The following AAMDC variants were observed in gnomAD, a reference collection of about 807,000 sequenced individuals.
The protein encoded by AAMDC is mth938 domain-containing protein.
A neutral mutation model predicts 15.5 loss-of-function variants in AAMDC; 16 were observed. That is an observed-to-expected ratio of 1.03 (90% CI 0.70 to 1.57). The LOEUF (loss-of-function observed/expected upper bound fraction) is 1.57. AAMDC is among the 40% of genes most tolerant of loss of function. AAMDC has a pLI of 0.00. For missense variants in AAMDC, 141 were observed against 144.9 expected, an observed-to-expected ratio of 0.97 and a Z score of 0.14; for synonymous variants, 51 against 51.6, an observed-to-expected ratio of 0.99 and a Z score of 0.05.
chr11:77,891,991 C>T (rs1055383586), intron 5 of AAMDC: 16 of 1,173,176 alleles, frequency 1.4e-5, no homozygotes, highest in African/African-American at 1.1e-4. Context: ...GGTACCTATA[C>T]AATCATGCCT....
chr11:77,876,843 G>C (rs952306478), downstream of AAMDC: 2 of 607,272 alleles, frequency 3.3e-6, no homozygotes, highest in Non-Finnish European at 3.0e-6. Context: ...TTTATAAAAG[G>C]GGTACTTATC....
downstream of AAMDC, among the ~76,000 whole-genome samples, chr11:77,872,521 A>C (rs776241998): frequency 6.6e-6 from 1 of 152,144 alleles, no homozygotes; most frequent in African/African-American, 2.4e-5. Context: ...AAGTTTAATA[A>C]TATAGTGAAT....
intron 5 of AAMDC, among the ~76,000 whole-genome samples, chr11:77,900,159 G>A (rs534704231): frequency 2.6e-5 from 4 of 151,910 alleles, no homozygotes; most frequent in South Asian, 4.2e-4. Flanking sequence ...GAGTGCAGTG[G>A]TGTGATTTCG....
At chr11:77,884,200 C>T (rs984902664) in intron 5 of AAMDC, among the ~76,000 whole-genome samples, 3 of 152,070 alleles carry the variant, frequency 2.0e-5, no homozygotes, top group Non-Finnish European at 2.9e-5. Flanking sequence ...CTCTATTAAG[C>T]GCAAAGACAG....
At chr11:77,896,406 C>T (rs539125474) in intron 5 of AAMDC, among the ~76,000 whole-genome samples, 5 of 152,064 alleles carry the variant, frequency 3.3e-5, no homozygotes, top group Admixed American at 3.3e-4. Context: ...AATTCCAACA[C>T]TTTGGGAGGC....
intron 2 of AAMDC, among the ~76,000 whole-genome samples, chr11:77,858,535 C>G (rs1033180536): frequency 2.0e-5 from 3 of 151,890 alleles, no homozygotes; most frequent in Non-Finnish European, 4.4e-5. Flanking sequence ...AGTTGCAAGC[C>G]CTGTGTTTAA....
At chr11:77,866,940 A>G (rs905180460) in intron 2 of AAMDC, among the ~76,000 whole-genome samples, 1 of 151,940 alleles carries the variant, frequency 6.6e-6, no homozygotes, top group Non-Finnish European at 1.5e-5. Context: ...TCCTGGGTTC[A>G]AGTGATTCTC....
At chr11:77,852,572 T>G (rs1950442600) in intron 2 of AAMDC, among the ~76,000 whole-genome samples, 1 of 152,156 alleles carries the variant, frequency 6.6e-6, no homozygotes, top group Non-Finnish European at 1.5e-5. Context: ...ACATGAGATT[T>G]GCGCAGGGAC....
chr11:77,831,911 T>C (rs1445989080), intron 1 of AAMDC: 3 of 147,088 alleles, frequency 2.0e-5, no homozygotes, highest in Non-Finnish European at 4.4e-5. Flanking sequence ...GGTTTCACCA[T>C]GTTGGCCAGT....
rs149234101 is a variant in AAMDC at position 77,844,429 on chromosome 11, C to G, written c.132+1801C>G. Among the ~76,000 whole-genome samples, 904 of 152,140 alleles carry G rather than the reference C, an allele frequency of 5.9e-3. 3 individuals carry two copies. The highest frequency in any genetic ancestry group is 9.2e-3 in the Non-Finnish European group (624 of 68,014). On this transcript the variant is annotated intron_variant, in intron 2 of 3. Coordinates refer to ENST00000393427, the MANE Select transcript of AAMDC (RefSeq NM_024684.4). ...CCAGGCTAGAGTGCAGTGGTGAGAT[C>G]ATGGCGCACTGTAGTCTACACCACC...
At chr11:77,874,929 C>A (rs564493476), downstream of AAMDC, among the ~76,000 whole-genome samples, 7 of 151,950 alleles carry the variant, frequency 4.6e-5, no homozygotes, top group Non-Finnish European at 1.0e-4. Flanking sequence ...CCCAGCTAGT[C>A]TACTTGGGAG....
chr11:77,870,694 C>T (rs1951389706), intron 3 of AAMDC, among the ~76,000 whole-genome samples: 1 of 151,922 alleles, frequency 6.6e-6, no homozygotes, highest in Non-Finnish European at 1.5e-5. Context: ...TTTAAAAATT[C>T]AATGCAGAAA....
intron 5 of AAMDC, chr11:77,883,943 G>A (rs776779375): frequency 6.2e-7 from 1 of 1,613,016 alleles, no homozygotes; most frequent in South Asian, 1.1e-5. Context: ...TGGCCATCTG[G>A]ATATAAGACC....
At chr11:77,862,454 C>A (rs183927932) in intron 2 of AAMDC, among the ~76,000 whole-genome samples, 1 of 152,120 alleles carries the variant, frequency 6.6e-6, no homozygotes, top group South Asian at 2.1e-4. Context: ...GAAAAAGGTA[C>A]GTGTACTCTG....
At chr11:77,868,095 G>A (rs546276226) in intron 2 of AAMDC, among the ~76,000 whole-genome samples, 2 of 133,022 alleles carry the variant, frequency 1.5e-5, no homozygotes, top group Admixed American at 8.5e-5. Context: ...TCGTTCTATC[G>A]CCCAGGCTGG....
At chr11:77,904,019 C>A (rs1289410895), downstream of AAMDC, among the ~76,000 whole-genome samples, 1 of 152,092 alleles carries the variant, frequency 6.6e-6, no homozygotes, top group East Asian at 1.9e-4. Flanking sequence ...TTTTTCTTTT[C>A]CCCTATGCTC....
At chr11:77,836,180 T>G (rs1590931905) in intron 1 of AAMDC, among the ~76,000 whole-genome samples, 1 of 151,514 alleles carries the variant, frequency 6.6e-6, no homozygotes, top group East Asian at 2.0e-4. Context: ...TACTATTTCC[T>G]CAAACATATT....
At chr11:77,832,697 GA>G (rs573933665) in intron 1 of AAMDC, among the ~76,000 whole-genome samples, 3,611 of 133,188 alleles carry the variant, frequency 0.027, 102 homozygotes, top group African/African-American at 0.08. Context: ...TCTGTTTTAA[GA>G]AAAAAAAAAA....
At chr11:77,855,890 A>G (rs1278786325) in intron 2 of AAMDC, among the ~76,000 whole-genome samples, 1 of 151,968 alleles carries the variant, frequency 6.6e-6, no homozygotes, top group Non-Finnish European at 1.5e-5. Flanking sequence ...GGCCAAGGTG[A>G]GCAGATTGCT....
Sources: allele counts gnomAD v4.1 joint callset (sites outside exome capture counted in the v4.1 genomes callset), GRCh38; gene constraint gnomAD v4.1.1; transcripts MANE v1.5; gene names NCBI Gene and HGNC (gene_info 2026-07-23, HGNC 2026-07-21).